RHBG: variants seen among roughly 807,000 people sequenced by gnomAD.
RHBG encodes ammonium transporter Rh type B.
Under a neutral mutation model 40.1 loss-of-function variants are expected in RHBG, and 39 were observed. The observed-to-expected ratio is 0.97, with a 90% CI of 0.75 to 1.27. RHBG has a LOEUF of 1.27. Ranked by LOEUF, RHBG falls within the 50% of genes most tolerant of loss-of-function variation. The pLI, the probability that RHBG is intolerant of heterozygous loss-of-function variation, is 0.00. For synonymous variants in RHBG, 237 were observed against 252.5 expected, an observed-to-expected ratio of 0.94 and a Z score of 0.58; for missense variants, 549 against 588.1, an observed-to-expected ratio of 0.93 and a Z score of 0.69.
At chr1:156,374,370 G>A (rs1667048046) in intron 1 of RHBG, among the ~76,000 whole-genome samples, 1 of 152,070 alleles carries the variant, frequency 6.6e-6, no homozygotes, top group Non-Finnish European at 1.5e-5. Flanking sequence ...GTAATTAACT[G>A]TAATTTTGTA....
Position 156,381,204 on chromosome 1 carries a change from A to C in RHBG, c.674-143A>C, listed in dbSNP as rs1056071835. ...GGCGTGAGCCACCGTGCCCAGCCCA[A>C]GGTGGTATTATTATCAATCCCACTG... On this transcript the variant is annotated intron_variant, in intron 4 of 9. Coordinates refer to ENST00000537040, the MANE Select transcript of RHBG (RefSeq NM_020407.5). The C allele has an allele frequency of 8.0e-6, 7 of 870,316 alleles. No individual in the cohort carries two copies. In the African/African-American group the frequency reaches 9.9e-5, roughly 12 times the overall value. 53.9% of individuals were successfully genotyped at this position (870,316 alleles called of 1,614,324 possible). A position where few individuals can be genotyped will look rare whatever the true frequency, so the allele number is the denominator to read the frequency against.
At chr1:156,381,272 C>T (rs1334852421) in intron 4 of RHBG, 75 bp from the exon 5 acceptor site, 1 of 1,483,440 alleles carries the variant, frequency 6.7e-7, no homozygotes, top group Non-Finnish European at 9.3e-7. Context: ...GGTGATTTGC[C>T]TGCAGTTATA....
At chr1:156,379,664 T>G (rs1667476625) in intron 4 of RHBG, among the ~76,000 whole-genome samples, 1 of 152,152 alleles carries the variant, frequency 6.6e-6, no homozygotes, top group African/African-American at 2.4e-5. Flanking sequence ...GGCCCCTTCC[T>G]GGATTCTCCC....
At chr1:156,378,690 T>G (rs984624187) in intron 4 of RHBG, among the ~76,000 whole-genome samples, 2 of 152,142 alleles carry the variant, frequency 1.3e-5, no homozygotes, top group African/African-American at 4.8e-5. Context: ...GAAAGTGGCC[T>G]CCTCAGCTGC....
chr1:156,384,555 C>A lies in RHBG; in HGVS notation c.1263C>A (p.Asp421Glu). The change falls in exon 9 of 10, where the codon GAC becomes GAA. Residue 421 changes from aspartate (D) to glutamate (E), a missense_variant. Asp to Glu is a conservative substitution (Grantham distance 45). Around this residue, in one of 3 missense-constraint regions of RHBG, gnomAD observed 399 missense variants for 417.0 expected, o/e 0.96. Transcript: ENST00000537040. Reference protein sequence around the residue: ...GGLLLKLPFLDSPPDSQHYED... With the variant: ...GGLLLKLPFLESPPDSQHYED... The stretch of plus-strand genomic sequence containing the variant: ...TCCTGCTGAAGCTACCCTTTCTGGA[C>A]TCCCCCCCAGACTCCCAGCACTACG... 2 of 1,531,992 alleles carry A rather than the reference C, an allele frequency of 1.3e-6. No homozygotes were observed. The allele number at this position is 1,531,992 out of a possible 1,614,324, so 94.9% of individuals were successfully genotyped here.
rs765733720 is a variant in RHBG at position 156,382,467 on chromosome 1, C to A, written c.1112+266C>A. ...AGTAAGAGATAATGACCTTTAGGAT[C>A]TATTTTTGCACATCAAGGGTGGGCA... On this transcript the variant is annotated intron_variant, in intron 7 of 9. Coordinates refer to ENST00000537040, the MANE Select transcript of RHBG (RefSeq NM_020407.5). 1.6e-4 allele frequency: 103 copies of A among 626,908 alleles called. 1 individual carries two copies. Among genetic ancestry groups the A allele is most frequent in the Middle Eastern group, 1.3e-3 (3 of 2,308 alleles). 38.8% of individuals were successfully genotyped at this position (626,908 alleles called of 1,614,324 possible).
chr1:156,369,225 G>C lies in RHBG; in HGVS notation c.-25G>C, dbSNP rs369019863. The C allele has an allele frequency of 1.9e-6, 3 of 1,604,378 alleles. No individual in the cohort carries two copies. Among genetic ancestry groups the C allele is most frequent in the Non-Finnish European group, 1.7e-6 (2 of 1,176,112 alleles). Reference sequence around the variant, plus strand: ...GAATTGTCTGCCAAAGCCTGCGAGCGCCAGCCGAGATCGCAGCCCAACCCA... The same window carrying C: ...GAATTGTCTGCCAAAGCCTGCGAGCCCCAGCCGAGATCGCAGCCCAACCCA... On this transcript the variant is annotated 5_prime_UTR_variant, in exon 1 of 10. Coordinates refer to ENST00000537040, the MANE Select transcript of RHBG (RefSeq NM_020407.5).
rs765812217 is a variant in RHBG, at chr1:156,377,981, C to G, written c.375-9C>G. Reference sequence around the variant, plus strand: ...CCCTCTTGTGCTCCCACTTCTGCCCCATCCCCAGCATGATCAATGCTGACT... The same window carrying G: ...CCCTCTTGTGCTCCCACTTCTGCCCGATCCCCAGCATGATCAATGCTGACT... On this transcript the variant is annotated splice_polypyrimidine_tract_variant and intron_variant, in intron 2 of 9. Coordinates refer to ENST00000537040, the MANE Select transcript of RHBG (RefSeq NM_020407.5). The surrounding 1 kb of genome is among the most constrained non-coding windows in gnomAD (Gnocchi z 4.6). 1 of 1,532,570 alleles carries G rather than the reference C, an allele frequency of 6.5e-7. No individual in the cohort carries two copies. Among genetic ancestry groups the G allele is most frequent in the East Asian group, 2.3e-5 (1 of 43,996 alleles). The allele number at this position is 1,532,570 out of a possible 1,614,324, so 94.9% of individuals were successfully genotyped here.
Position 156,377,227 on chromosome 1 carries a change from C to A in RHBG, c.188-74C>A. 1 of 1,498,446 alleles carries A rather than the reference C, an allele frequency of 6.7e-7. No homozygotes were observed. Among genetic ancestry groups the A allele is most frequent in the Non-Finnish European group, 9.2e-7 (1 of 1,090,742 alleles). 92.8% of individuals were successfully genotyped at this position (1,498,446 alleles called of 1,614,324 possible). A position where few individuals can be genotyped will look rare whatever the true frequency, so the allele number is the denominator to read the frequency against. On this transcript the variant is annotated intron_variant, in intron 1 of 9. Transcript: ENST00000537040. This position sits in a 1 kb window ranked among gnomAD's most constrained non-coding sequence, Gnocchi z 4.6. ...GGCTGGTGAGAGCCAGGGGCACTGG[C>A]AGGGTAGCTGACTGGATTGTGGGCT...
At chr1:156,371,488 T>A (rs1159912222) in intron 1 of RHBG, 1 of 211,212 alleles carries the variant, frequency 4.7e-6, no homozygotes, top group Non-Finnish European at 9.6e-6. Context: ...TATGCAGAGC[T>A]CATCAGCAGG....
intron 1 of RHBG, chr1:156,374,817 C>T (rs1442491814): frequency 3.8e-6 from 1 of 264,600 alleles, no homozygotes; most frequent in African/African-American, 2.3e-5. Context: ...AACTCCCGAC[C>T]TCAGGTGATC....
intron 1 of RHBG, among the ~76,000 whole-genome samples, chr1:156,374,165 G>A (rs1326468697): frequency 6.6e-6 from 1 of 152,040 alleles, no homozygotes; most frequent in Non-Finnish European, 1.5e-5. Flanking sequence ...ACCCTATTGC[G>A]AACTGTGCAT....
Position 156,369,352 on chromosome 1 carries a change from C to A in RHBG, c.103C>A (p.Arg35Ser). The A allele has an allele frequency of 6.2e-7, 1 of 1,614,198 alleles. No homozygotes were observed. Among genetic ancestry groups the A allele is most frequent in the South Asian group, 1.1e-5 (1 of 91,086 alleles). ...ATAVLFAVFV[R>S]YNHKTDAALW... ...TGCCGTCCTCTTTGCTGTCTTTGTC[C>A]GCTACAACCACAAAACCGACGCTGC... Residue 35 changes from arginine to serine, a missense_variant, in exon 1 of 10, where the codon CGC (arginine) becomes AGC (serine). Coordinates refer to ENST00000537040, the MANE Select transcript of RHBG (RefSeq NM_020407.5).
chr1:156,374,587 ATTTTTTTTT>A, intron 1 of RHBG: 1 of 380,778 alleles, frequency 2.6e-6, no homozygotes, highest in Non-Finnish European at 5.1e-6. Flanking sequence ...ACAGGATTCC[ATTTTTTTTT>A]TTTTTTTTAG....
In RHBG at chr1:156,383,770, G is replaced by A. The variant is rs528698596; in HGVS notation, c.1235-757G>A. 1.8e-4 allele frequency among the ~76,000 whole-genome samples: 27 copies of A among 149,810 alleles called. No individual in the cohort carries two copies. The South Asian group carries it at 3.8e-3, about 21-fold the overall frequency. ...TCTCAATCTCCTGACCTCGTGATCC[G>A]CCCGCCTCGGCCTCCCAAAGTGCTG... On this transcript the variant is annotated intron_variant, in intron 8 of 9. Coordinates refer to ENST00000537040, the MANE Select transcript of RHBG (RefSeq NM_020407.5).
rs1218768025 is a variant in RHBG, at chr1:156,378,107, C to A, written c.492C>A (p.Gly164=). ...LMALLEVVLF[G]INEFVLLHLL... is the part of the protein sequence containing the mutation. ...CCCTGCTGGAGGTGGTGCTGTTTGG[C>A]ATCAATGAGTTTGTGCTCCTTCATC... Residue 164 remains glycine (G), a synonymous_variant, in exon 3 of 10, where the codon GGC becomes GGA. Coordinates refer to ENST00000537040, the MANE Select transcript of RHBG (RefSeq NM_020407.5). The A allele has an allele frequency of 6.2e-7, 1 of 1,602,196 alleles. No individual in the cohort carries two copies. The highest frequency in any genetic ancestry group is 8.5e-7 in the Non-Finnish European group (1 of 1,173,352).
rs773501642 is a variant in RHBG, at chr1:156,382,083, A to G, written c.994A>G (p.Lys332Glu). ...YKFFTPILES[K>E]FKVQDTCGVH... ...TGCCCTCCAGCCCATCCTTGAATCA[A>G]AATTCAAAGTCCAAGACACATGTGG... is the stretch of plus-strand genomic sequence containing the variant. The change falls in exon 7 of 10, where the codon AAA (lysine) becomes GAA (glutamate). Residue 332 changes from lysine to glutamate, a missense_variant. By Grantham distance (56) the Lys-to-Glu change is moderately conservative. Coordinates refer to ENST00000537040, the MANE Select transcript of RHBG (RefSeq NM_020407.5). The G allele has an allele frequency of 6.2e-7, 1 of 1,610,096 alleles. No homozygotes were observed. Among genetic ancestry groups the G allele is most frequent in the South Asian group, 1.1e-5 (1 of 90,992 alleles).
In RHBG at chr1:156,378,112, A is replaced by G. The variant is rs781630191; in HGVS notation, c.497A>G (p.Asn166Ser). The G allele has an allele frequency of 3.8e-5, 57 of 1,510,428 alleles. No individual in the cohort carries two copies. The East Asian group carries it at 9.6e-4, about 25-fold the overall frequency. 93.6% of individuals were successfully genotyped at this position (1,510,428 alleles called of 1,614,324 possible). A position where few individuals can be genotyped will look rare whatever the true frequency, so the allele number is the denominator to read the frequency against. The change falls in exon 3 of 10, where the codon AAT (asparagine) becomes AGT (serine). Residue 166 changes from asparagine to serine, a missense_variant. This residue lies in a region of RHBG where 399 missense variants were observed against 417.0 expected (regional missense o/e 0.96). Coordinates refer to ENST00000537040, the MANE Select transcript of RHBG (RefSeq NM_020407.5). ...CTGGAGGTGGTGCTGTTTGGCATCA[A>G]TGAGTTTGTGCTCCTTCATCTCCTG... ...ALLEVVLFGINEFVLLHLLGV... is the reference protein window; with the variant it reads ...ALLEVVLFGISEFVLLHLLGV...
At chr1:156,382,960 T>TA in intron 8 of RHBG, 91 bp downstream of exon 8, 1 of 1,560,426 alleles carries the variant, frequency 6.4e-7, no homozygotes, top group Non-Finnish European at 8.8e-7. Context: ...ATGGAGCATC[T>TA]ACTTTGTGCC....
Sources: gnomAD v4.1 joint callset for allele counts (sites outside exome capture counted in the v4.1 genomes callset) on GRCh38, gnomAD v4.1.1 for gene constraint, gnomAD v4.1.1 regional missense constraint, Gnocchi (gnomAD v3.1) non-coding constraint, MANE v1.5 for transcripts, NCBI Gene and HGNC (gene_info 2026-07-23, HGNC 2026-07-21) for gene names.